SPATA45: variants seen among roughly 807,000 people sequenced by gnomAD.
SPATA45 encodes the protein spermatogenesis associated 45, also known as spermatogenesis-associated protein 45.
Under a neutral mutation model 7.0 loss-of-function variants are expected in SPATA45, and 5 were observed. That is an observed-to-expected ratio of 0.71 (90% CI 0.37 to 1.50). The LOEUF (loss-of-function observed/expected upper bound fraction) is 1.50. Among genes scored for constraint, SPATA45 ranks in the 40% most tolerant of loss-of-function variants. The pLI is 0.03. For missense variants in SPATA45, 111 were observed against 114.9 expected (o/e 0.97, Z 0.16); for synonymous variants, 40 against 38.7 (o/e 1.03, Z -0.13).
rs988147073 is a variant in SPATA45, at chr1:212,837,889, C to T, written c.-38-1702G>A. ...GCAGTCAGGATTTTTAAAAAGCCCACGCTGAGATTACAGTGAACTTAAAAA... is the reference window on the plus strand; with the variant it reads ...GCAGTCAGGATTTTTAAAAAGCCCATGCTGAGATTACAGTGAACTTAAAAA... On this transcript the variant is annotated intron_variant, in intron 1 of 2. Transcript: ENST00000332912. Among the ~76,000 whole-genome samples the T allele has an allele frequency of 1.1e-4, 17 of 151,696 alleles. 2 individuals are homozygous for T. The highest frequency in any genetic ancestry group is 2.5e-4 in the Non-Finnish European group (17 of 67,810).
chr1:212,846,120 C>A (rs1001464687), intron 1 of SPATA45, among the ~76,000 whole-genome samples: 3 of 152,124 alleles, frequency 2.0e-5, no homozygotes, highest in African/African-American at 4.8e-5. Flanking sequence ...TCAATTCATA[C>A]AAAACCACAT....
At chr1:212,846,703 A>G (rs1164096126) in intron 1 of SPATA45, among the ~76,000 whole-genome samples, 3 of 152,062 alleles carry the variant, frequency 2.0e-5, no homozygotes, top group Admixed American at 2.0e-4. Context: ...ACCCTTTGCT[A>G]ACTCCTTTTT....
chr1:212,846,302 C>T (rs959551875), intron 1 of SPATA45, among the ~76,000 whole-genome samples: 1 of 152,110 alleles, frequency 6.6e-6, no homozygotes, highest in Admixed American at 6.6e-5. Flanking sequence ...CTCTCCATAC[C>T]ACCCCCAAAA....
intron 1 of SPATA45, among the ~76,000 whole-genome samples, chr1:212,836,592 A>C (rs371990855): frequency 6.6e-6 from 1 of 151,492 alleles, no homozygotes; most frequent in Non-Finnish European, 1.5e-5. Context: ...CAGCTTCCCA[A>C]AGTGCTGGGA....
chr1:212,841,045 A>G (rs1663673301), intron 1 of SPATA45, among the ~76,000 whole-genome samples: 1 of 151,908 alleles, frequency 6.6e-6, no homozygotes, highest in Admixed American at 6.5e-5. Context: ...GTTTCATGCG[A>G]TTCTCCTGCC....
intron 1 of SPATA45, among the ~76,000 whole-genome samples, chr1:212,844,214 C>G (rs898886151): frequency 5.9e-5 from 9 of 152,192 alleles, no homozygotes; most frequent in African/African-American, 2.2e-4. Context: ...GCTGCTGCTG[C>G]TTTAATACTT....
chr1:212,842,743 C>A (rs1340169131), intron 1 of SPATA45, among the ~76,000 whole-genome samples: 1 of 152,080 alleles, frequency 6.6e-6, no homozygotes, highest in Non-Finnish European at 1.5e-5. Flanking sequence ...GAGGCCTAGG[C>A]AGGTGGATCA....
chr1:212,840,537 A>G (rs921900685), intron 1 of SPATA45, among the ~76,000 whole-genome samples: 1 of 152,084 alleles, frequency 6.6e-6, no homozygotes, highest in African/African-American at 2.4e-5. Flanking sequence ...CTCGTGCCTC[A>G]GCCTCCCAAA....
chr1:212,833,990 C>A (rs1286437405), intron 2 of SPATA45, among the ~76,000 whole-genome samples: 1 of 151,694 alleles, frequency 6.6e-6, no homozygotes. Context: ...CTCAGGTGAT[C>A]CGCCCACCTC....
intron 1 of SPATA45, among the ~76,000 whole-genome samples, chr1:212,841,754 C>T (rs1236724325): frequency 6.7e-6 from 1 of 150,076 alleles, no homozygotes; most frequent in Non-Finnish European, 1.5e-5. Context: ...TTGTCAAGTG[C>T]CTATTTTTGT....
In SPATA45 at chr1:212,836,107, C is replaced by T; in HGVS notation, c.43G>A (p.Gly15Arg). Residue 15 changes from glycine to arginine, a missense_variant, in exon 2 of 3, where the codon GGA becomes AGA. Physicochemically the swap from Gly to Arg is moderately radical, Grantham distance 125 (BLOSUM62 -2). Coordinates refer to ENST00000332912, the MANE Select transcript of SPATA45 (RefSeq NM_001024601.3). ...TCCAGGAGATGTTGTTTGCTTACTC[C>T]ATGTTTTTTCATTATTTCAATGGTT... ...NRTIEIMKKH[G>R]VSKQHLLEEI... is the part of the protein sequence containing the mutation. 1 of 1,606,080 alleles carries T rather than the reference C, an allele frequency of 6.2e-7. No individual in the cohort carries two copies. Among genetic ancestry groups the T allele is most frequent in the Admixed American group, 1.7e-5 (1 of 59,886 alleles).
intron 1 of SPATA45, among the ~76,000 whole-genome samples, chr1:212,841,781 G>A (rs961614227): frequency 6.6e-6 from 1 of 151,806 alleles, no homozygotes; most frequent in African/African-American, 2.4e-5. Flanking sequence ...GTTTTGAAAT[G>A]GAGTCTCACT....
At chr1:212,832,015 CTTTTTTTT>C (rs10645815) in intron 2 of SPATA45, among the ~76,000 whole-genome samples, 1 of 93,558 alleles carries the variant, frequency 1.1e-5, no homozygotes, top group Admixed American at 1.5e-4. Flanking sequence ...CATTTACTTC[CTTTTTTTT>C]TTTTTTTTTT....
chr1:212,844,204 G>A (rs1356250552), intron 1 of SPATA45, among the ~76,000 whole-genome samples: 2 of 152,214 alleles, frequency 1.3e-5, no homozygotes, highest in African/African-American at 4.8e-5. Flanking sequence ...TGCAGCGGCT[G>A]CTGCTGCTGC....
chr1:212,831,064 C>T (rs11120038), intron 2 of SPATA45, among the ~76,000 whole-genome samples: 97,644 of 150,436 alleles, frequency 0.65, 32,632 homozygotes, highest in Non-Finnish European at 0.68. Flanking sequence ...GCTTGAACCC[C>T]GGGCAGCAGA....
chr1:212,842,483 A>AGT (rs759551176), intron 1 of SPATA45, among the ~76,000 whole-genome samples: 4 of 152,242 alleles, frequency 2.6e-5, no homozygotes, highest in Non-Finnish European at 4.4e-5. Flanking sequence ...TCAAAATTCA[A>AGT]ACTCTTATTA....
intron 2 of SPATA45, among the ~76,000 whole-genome samples, chr1:212,835,070 T>C (rs1229829313): frequency 2.0e-5 from 3 of 151,608 alleles, no homozygotes; most frequent in South Asian, 2.1e-4. Context: ...TGGTCTATAA[T>C]AGATCTTACA....
intron 1 of SPATA45, 108 bp from the exon 2 acceptor site, chr1:212,836,295 A>G: frequency 3.7e-6 from 3 of 810,572 alleles, no homozygotes; most frequent in South Asian, 1.8e-5. Flanking sequence ...ATAACACCAC[A>G]ACCACCACCA....
At chr1:212,840,823 T>C (rs1663667793) in intron 1 of SPATA45, among the ~76,000 whole-genome samples, 1 of 152,000 alleles carries the variant, frequency 6.6e-6, no homozygotes, top group African/African-American at 2.4e-5. Flanking sequence ...TTTCACCATG[T>C]TAGCCAGGAT....
Sources: gnomAD v4.1 joint callset for allele counts (sites outside exome capture counted in the v4.1 genomes callset) on GRCh38, gnomAD v4.1.1 for gene constraint, MANE v1.5 for transcripts, NCBI Gene and HGNC (gene_info 2026-07-23, HGNC 2026-07-21) for gene names.